The following CCSER1 variants were observed in gnomAD, a reference collection of about 807,000 sequenced individuals.
CCSER1 encodes the protein serine-rich coiled-coil domain-containing protein 1.
CCSER1 carries 41 observed loss-of-function variants against 82.0 expected under a neutral mutation model. The ratio of observed to expected loss-of-function variants is 0.50; its 90% CI spans 0.39 to 0.65. The LOEUF (loss-of-function observed/expected upper bound fraction) is 0.65, where lower values mean the gene tolerates loss of function less well. Among genes scored for constraint, CCSER1 ranks in the 30% least tolerant of loss-of-function variants. The probability of loss-of-function intolerance (pLI) is 0.00; values close to 1 mark genes in which losing one functional copy is unlikely to be tolerated. For missense variants in CCSER1, 1,119 were observed against 1,064.2 expected, an observed-to-expected ratio of 1.05 and a Z score of -0.72; for synonymous variants, 414 against 383.9, an observed-to-expected ratio of 1.08 and a Z score of -0.92.
chr4:90,399,136 T>C (rs1376236780), intron 3 of CCSER1, among the ~76,000 whole-genome samples: 1 of 152,106 alleles, frequency 6.6e-6, no homozygotes, highest in Admixed American at 6.6e-5. Context: ...AAGTTCTTAC[T>C]TTTCTTAATA....
At chr4:91,439,099 C>G (rs13137946) in intron 10 of CCSER1, among the ~76,000 whole-genome samples, 4,671 of 152,148 alleles carry the variant, frequency 0.031, 107 homozygotes, top group Non-Finnish European at 0.049. Context: ...TAGCAAGGCA[C>G]GCCAACATTC....
chr4:90,646,109 A>G (rs1467247691), intron 6 of CCSER1, among the ~76,000 whole-genome samples: 2 of 152,208 alleles, frequency 1.3e-5, no homozygotes, highest in Non-Finnish European at 2.9e-5. Flanking sequence ...TGCCATGGAT[A>G]CATATAATTC....
intron 10 of CCSER1, among the ~76,000 whole-genome samples, chr4:91,114,596 C>T (rs964686039): frequency 4.6e-5 from 7 of 152,160 alleles, no homozygotes; most frequent in Admixed American, 1.3e-4. Context: ...GGCCTGAATG[C>T]GTGCATTTGA....
At chr4:90,850,986 TC>T (rs908500876) in intron 8 of CCSER1, among the ~76,000 whole-genome samples, 13 of 152,062 alleles carry the variant, frequency 8.5e-5, no homozygotes, top group African/African-American at 3.1e-4. Flanking sequence ...GGACGCAGTT[TC>T]CCCCTGTGCT....
chr4:90,401,356 G>A (rs1407396943), intron 4 of CCSER1, among the ~76,000 whole-genome samples: 3 of 152,084 alleles, frequency 2.0e-5, no homozygotes, highest in South Asian at 2.1e-4. Context: ...AGACAAAATA[G>A]TACATGCATA....
chr4:91,160,944 T>G (rs1399983199), intron 10 of CCSER1, among the ~76,000 whole-genome samples: 1 of 152,200 alleles, frequency 6.6e-6, no homozygotes, highest in African/African-American at 2.4e-5. Context: ...CTGTTGCCAT[T>G]GCTTTTGGTG....
At chr4:90,803,525 T>C (rs1217566984) in intron 7 of CCSER1, among the ~76,000 whole-genome samples, 2 of 152,208 alleles carry the variant, frequency 1.3e-5, no homozygotes, top group Non-Finnish European at 1.5e-5. Context: ...TCTATGTCCC[T>C]GCAAAGGACA....
intron 9 of CCSER1, among the ~76,000 whole-genome samples, chr4:90,972,663 A>T (rs981917461): frequency 6.6e-6 from 1 of 151,750 alleles, no homozygotes; most frequent in Non-Finnish European, 1.5e-5. Context: ...CAGAAAAAAA[A>T]TTCTGAAATT....
rs546357751 is a variant in CCSER1 at position 90,951,648 on chromosome 4, A to C, written c.2172+28201A>C. Among the ~76,000 whole-genome samples the C allele has an allele frequency of 5.3e-5, 8 of 152,246 alleles. No individual in the cohort carries two copies. The East Asian group carries it at 1.4e-3, about 26-fold the overall frequency. On this transcript the variant is annotated intron_variant, in intron 9 of 10. Coordinates refer to ENST00000509176, the MANE Select transcript of CCSER1 (RefSeq NM_001145065.2). ...TAAATATTAATGAAGAGATGTTATCAAAAACTACATTTTGTTAATGCTTTG... is the reference window on the plus strand; with the variant it reads ...TAAATATTAATGAAGAGATGTTATCCAAAACTACATTTTGTTAATGCTTTG...
intron 5 of CCSER1, among the ~76,000 whole-genome samples, chr4:90,493,261 A>T (rs187143606): frequency 2.0e-5 from 3 of 152,300 alleles, no homozygotes; most frequent in African/African-American, 7.2e-5. Context: ...ATATGGAACT[A>T]TGTGAAAAGA....
At chr4:90,488,213 G>T (rs1051650395) in intron 5 of CCSER1, among the ~76,000 whole-genome samples, 1 of 151,528 alleles carries the variant, frequency 6.6e-6, no homozygotes, top group Admixed American at 6.6e-5. Context: ...ACGGAGTCTC[G>T]CTCTGTTGCC....
At chr4:91,055,730 C>G (rs1743381940) in intron 9 of CCSER1, among the ~76,000 whole-genome samples, 1 of 149,952 alleles carries the variant, frequency 6.7e-6, no homozygotes, top group African/African-American at 2.5e-5. Flanking sequence ...ATTCTCTTTT[C>G]CCTTCCCCTC....
chr4:90,155,533 A>G (rs1727933320), intron 1 of CCSER1, among the ~76,000 whole-genome samples: 1 of 152,118 alleles, frequency 6.6e-6, no homozygotes, highest in South Asian at 2.1e-4. Flanking sequence ...TTGGTAAGGT[A>G]TTGATTATTG....
At chr4:91,589,478 T>A (rs758083468) in intron 10 of CCSER1, among the ~76,000 whole-genome samples, 3 of 151,936 alleles carry the variant, frequency 2.0e-5, no homozygotes. Flanking sequence ...ATCTAAAGAT[T>A]TTTTTAAGAT....
chr4:90,830,047 T>A (rs934624224), intron 8 of CCSER1, among the ~76,000 whole-genome samples: 1 of 152,166 alleles, frequency 6.6e-6, no homozygotes, highest in Admixed American at 6.5e-5. Context: ...GTGTGGACCA[T>A]CAGGAGATTC....
intron 10 of CCSER1, among the ~76,000 whole-genome samples, chr4:91,574,492 C>T (rs185457121): frequency 1.2e-3 from 181 of 152,166 alleles, no homozygotes; most frequent in Admixed American, 5.8e-3. Context: ...TGGAATCTAT[C>T]TAGGTGCCCA....
chr4:90,807,880 G>A (rs1757728513), intron 7 of CCSER1, among the ~76,000 whole-genome samples: 1 of 151,714 alleles, frequency 6.6e-6, no homozygotes, highest in Non-Finnish European at 1.5e-5. Flanking sequence ...ATTTTTTGCA[G>A]AATTAGGAAA....
chr4:90,507,133 A>G (rs1185692909), intron 5 of CCSER1, among the ~76,000 whole-genome samples: 2 of 152,224 alleles, frequency 1.3e-5, no homozygotes, highest in Non-Finnish European at 2.9e-5. Context: ...AGCATGAAAG[A>G]ACACACTAGT....
chr4:90,517,303 TAAGTC>T (rs1036295955), intron 5 of CCSER1, among the ~76,000 whole-genome samples: 3 of 152,152 alleles, frequency 2.0e-5, no homozygotes, highest in African/African-American at 4.8e-5. Flanking sequence ...AGAAAAATCT[TAAGTC>T]AAACCATCGT....
Sources: allele counts gnomAD v4.1 joint callset (sites outside exome capture counted in the v4.1 genomes callset), GRCh38; gene constraint gnomAD v4.1.1; transcripts MANE v1.5; gene names NCBI Gene and HGNC (gene_info 2026-07-23, HGNC 2026-07-21).